The following UBTD2 variants were observed in gnomAD, a reference collection of about 807,000 sequenced individuals.
The protein encoded by UBTD2 is ubiquitin domain containing 2.
Under a neutral mutation model 19.8 loss-of-function variants are expected in UBTD2, and 9 were observed. The observed-to-expected ratio is 0.46, with a 90% CI of 0.27 to 0.79. The LOEUF (loss-of-function observed/expected upper bound fraction) is 0.79. Among genes scored for constraint, UBTD2 ranks in the 30% least tolerant of loss-of-function variants. UBTD2 has a pLI of 0.14. For missense variants in UBTD2, 250 were observed against 300.4 expected, an observed-to-expected ratio of 0.83 and a Z score of 1.24; for synonymous variants, 98 against 103.9, an observed-to-expected ratio of 0.94 and a Z score of 0.35.
intron 1 of UBTD2, among the ~76,000 whole-genome samples, chr5:172,271,529 T>C (rs991406684): frequency 1.3e-5 from 2 of 152,132 alleles, no homozygotes; most frequent in Non-Finnish European, 2.9e-5. Flanking sequence ...ATAATATTCA[T>C]TGCTCTAGAG....
At chr5:172,242,906 TA>T (rs373032695) in intron 1 of UBTD2, among the ~76,000 whole-genome samples, 3 of 152,306 alleles carry the variant, frequency 2.0e-5, no homozygotes, top group African/African-American at 7.2e-5. Context: ...TTAGTAGTAG[TA>T]AGGATTCATG....
chr5:172,216,696 C>A (rs1424533568), intron 2 of UBTD2, among the ~76,000 whole-genome samples: 2 of 151,482 alleles, frequency 1.3e-5, no homozygotes, highest in African/African-American at 4.9e-5. Context: ...GTGGCTCATG[C>A]CTGTAATCCA....
intron 2 of UBTD2, among the ~76,000 whole-genome samples, chr5:172,215,163 G>A (rs1712732062): frequency 6.6e-6 from 1 of 152,172 alleles, no homozygotes; most frequent in Non-Finnish European, 1.5e-5. Flanking sequence ...CTTGGTGAAG[G>A]GTGTCTGGGA....
chr5:172,242,312 A>C (rs55861727), intron 1 of UBTD2: 272,896 of 927,266 alleles, frequency 0.29, 40,811 homozygotes, highest in South Asian at 0.42. Flanking sequence ...TACCTAAGAA[A>C]ATTTTTTAAA....
At chr5:172,275,544 T>C (rs575090598) in intron 1 of UBTD2, among the ~76,000 whole-genome samples, 1 of 152,328 alleles carries the variant, frequency 6.6e-6, no homozygotes, top group East Asian at 1.9e-4. Flanking sequence ...TTACTATGTG[T>C]CAGGCCTGAT....
intron 1 of UBTD2, chr5:172,255,065 G>C (rs574748324): frequency 2.0e-6 from 1 of 500,736 alleles, no homozygotes; most frequent in Non-Finnish European, 3.9e-6. Flanking sequence ...CATCATCTGC[G>C]GCATGGACAA....
intron 2 of UBTD2, among the ~76,000 whole-genome samples, chr5:172,215,194 T>C (rs573138781): frequency 1.8e-4 from 27 of 152,274 alleles, no homozygotes; most frequent in African/African-American, 6.3e-4. Context: ...CTTCCTGAGT[T>C]TTACCTTCTG....
At chr5:172,274,135 CTTTTTTTTTTTT>C (rs555392614) in intron 1 of UBTD2, among the ~76,000 whole-genome samples, 52 of 108,648 alleles carry the variant, frequency 4.8e-4, no homozygotes, top group Non-Finnish European at 8.1e-4. Context: ...TTTTGCTTTA[CTTTTTTTTTTTT>C]TTTTTTTTTT....
chr5:172,223,389 G>A (rs1771689777), intron 2 of UBTD2, among the ~76,000 whole-genome samples: 1 of 151,750 alleles, frequency 6.6e-6, no homozygotes, highest in East Asian at 1.9e-4. Flanking sequence ...CAGATCACGA[G>A]GTCAGGAGTT....
In UBTD2 at chr5:172,211,843, G is replaced by A. The variant is rs1439686972; in HGVS notation, c.692C>T (p.Pro231Leu). 6.2e-7 allele frequency: 1 copy of A among 1,610,118 alleles called. No individual in the cohort carries two copies. Among genetic ancestry groups the A allele is most frequent in the East Asian group, 2.2e-5 (1 of 44,816 alleles). Residue 231 changes from proline to leucine, a missense_variant, in exon 3 of 3, where the codon CCA becomes CTA. Pro to Leu is a moderately conservative substitution (Grantham distance 98). Transcript: ENST00000393792. ...IVSQPVQNPT[P>L]VEN is the part of the protein sequence containing the mutation. The stretch of plus-strand genomic sequence containing the variant: ...ACAGGGCTCAGTTCAGTTCTCCACT[G>A]GTGTTGGGTTCTGCACAGGTTGGCT...
At chr5:172,224,993 G>A (rs1478582259) in intron 2 of UBTD2, among the ~76,000 whole-genome samples, 1 of 152,122 alleles carries the variant, frequency 6.6e-6, no homozygotes, top group African/African-American at 2.4e-5. Context: ...TGGCCACCAA[G>A]GGTGCAGTTC....
chr5:172,278,427 G>A (rs897010454), intron 1 of UBTD2, among the ~76,000 whole-genome samples: 2 of 152,004 alleles, frequency 1.3e-5, no homozygotes, highest in African/African-American at 4.8e-5. Flanking sequence ...GCTGAGACAG[G>A]AGAATCGCTT....
chr5:172,234,021 G>C, intron 2 of UBTD2, 101 bp downstream of exon 2: 1 of 1,239,540 alleles, frequency 8.1e-7, no homozygotes, highest in South Asian at 1.4e-5. Flanking sequence ...AAAAAAGTTA[G>C]AATAATTCAT....
Position 172,283,682 on chromosome 5 carries a change from T to G in UBTD2, c.-17A>C. On this transcript the variant is annotated 5_prime_UTR_variant, in exon 1 of 3. Transcript: ENST00000393792. This position sits in a 1 kb window ranked among gnomAD's most constrained non-coding sequence, Gnocchi z 4.3. ...CCCGCCCATGGGGGCCCCCGGCGCC[T>G]CGTCCGCCACCTCCGGACGCTCGTC... 1 of 1,229,432 alleles carries G rather than the reference T, an allele frequency of 8.1e-7. No homozygotes were observed. The highest frequency in any genetic ancestry group is 4.0e-5 in the South Asian group (1 of 25,028). The allele number at this position is 1,229,432 out of a possible 1,614,324, so 76.2% of individuals were successfully genotyped here. A position where few individuals can be genotyped will look rare whatever the true frequency, so the allele number is the denominator to read the frequency against.
chr5:172,261,283 G>C (rs1487504776), intron 1 of UBTD2, among the ~76,000 whole-genome samples: 1 of 152,178 alleles, frequency 6.6e-6, no homozygotes, highest in Non-Finnish European at 1.5e-5. Flanking sequence ...CTTGGGACAA[G>C]CACCACTTTA....
chr5:172,213,849 C>T (rs1282832934), intron 2 of UBTD2, among the ~76,000 whole-genome samples: 2 of 152,188 alleles, frequency 1.3e-5, no homozygotes, highest in Non-Finnish European at 1.5e-5. Context: ...TGCAATGGCG[C>T]AATCTTGGCT....
At chr5:172,233,818 G>T in intron 2 of UBTD2, among the ~76,000 whole-genome samples, 1 of 125,716 alleles carries the variant, frequency 8.0e-6, no homozygotes, top group Admixed American at 8.8e-5. Flanking sequence ...GTGGGGGTGG[G>T]AGGGTGGAGG....
At chr5:172,254,734 G>T (rs1379456941) in intron 1 of UBTD2, 4 of 293,090 alleles carry the variant, frequency 1.4e-5, no homozygotes, top group Admixed American at 4.6e-5. Context: ...ATGCTTGTGG[G>T]GGGGAACACT....
chr5:172,246,676 T>G (rs1231266972), intron 1 of UBTD2, among the ~76,000 whole-genome samples: 2 of 149,416 alleles, frequency 1.3e-5, no homozygotes, highest in Admixed American at 1.3e-4. Context: ...ACTCCTGCCC[T>G]TAAGTGATCT....
Sources: allele counts gnomAD v4.1 joint callset (sites outside exome capture counted in the v4.1 genomes callset), GRCh38; gene constraint gnomAD v4.1.1; non-coding constraint Gnocchi (gnomAD v3.1); transcripts MANE v1.5; gene names NCBI Gene and HGNC (gene_info 2026-07-23, HGNC 2026-07-21).